PRCC: variants seen among roughly 807,000 people sequenced by gnomAD.
PRCC encodes proline rich mitotic checkpoint control factor, also known as proline-rich protein PRCC.
Under a neutral mutation model 44.0 loss-of-function variants are expected in PRCC, and 10 were observed. The ratio of observed to expected loss-of-function variants is 0.23; its 90% CI spans 0.14 to 0.39. The LOEUF (loss-of-function observed/expected upper bound fraction) is 0.39. Among genes scored for constraint, PRCC ranks in the 10% least tolerant of loss-of-function variants. The pLI, the probability that PRCC is intolerant of heterozygous loss-of-function variation, is 1.00. For missense variants in PRCC, 573 were observed against 624.7 expected (o/e 0.92, Z 0.88); for synonymous variants, 278 against 259.5 (o/e 1.07, Z -0.69).
At chr1:156,782,410 T>C in intron 2 of PRCC, 81 bp downstream of exon 2, 1 of 1,341,188 alleles carries the variant, frequency 7.5e-7, no homozygotes, top group Non-Finnish European at 1.0e-6. Context: ...TCCAGCAGTT[T>C]TCAGATTAGG....
chr1:156,794,517 G>T, intron 4 of PRCC, 148 bp from the exon 5 acceptor site: 1 of 919,312 alleles, frequency 1.1e-6, no homozygotes, highest in Non-Finnish European at 1.6e-6. Flanking sequence ...AAGGGAGTTT[G>T]GTAGATGGCA....
At chr1:156,798,790 A>G (rs1652748307) in intron 6 of PRCC, among the ~76,000 whole-genome samples, 1 of 149,426 alleles carries the variant, frequency 6.7e-6, no homozygotes, top group Admixed American at 6.7e-5. Flanking sequence ...TGGAGGTTGC[A>G]GTGAGCTGAG....
At chr1:156,799,127 G>A (rs1652761857) in intron 6 of PRCC, among the ~76,000 whole-genome samples, 1 of 152,082 alleles carries the variant, frequency 6.6e-6, no homozygotes, top group South Asian at 2.1e-4. Flanking sequence ...ACTACAAATG[G>A]CACCATGTAT....
chr1:156,791,033 C>A (rs1240538096), intron 3 of PRCC: 1 of 1,256,572 alleles, frequency 8.0e-7, no homozygotes, highest in Non-Finnish European at 1.1e-6. Context: ...CAAGCAGAGG[C>A]CTTGCCCTTG....
At chr1:156,777,948 A>C (rs1163307614) in intron 1 of PRCC, among the ~76,000 whole-genome samples, 1 of 152,232 alleles carries the variant, frequency 6.6e-6, no homozygotes. Context: ...GACATTTATC[A>C]TTGTATCTAT....
intron 3 of PRCC, 35 bp downstream of exon 3, chr1:156,787,209 G>C: frequency 1.3e-6 from 2 of 1,556,218 alleles, no homozygotes. Context: ...GCGAGGGAAT[G>C]TTGGAACATG....
At chr1:156,776,485 G>A (rs1244626734) in intron 1 of PRCC, among the ~76,000 whole-genome samples, 1 of 151,708 alleles carries the variant, frequency 6.6e-6, no homozygotes, top group Middle Eastern at 3.2e-3. Flanking sequence ...TTTTGTGTGT[G>A]TGCTTTTAAA....
rs35911411 is a variant in PRCC at position 156,795,285 on chromosome 1, G to GTTTTTTTTTTTTTTTTTTTTTTT, written c.1323+479_1323+501dup. ...CTTCCAATTGTTTTCATTTTCTGGTGTTTTTTTTTTTTTTTTTTTTTTTTC... is the reference window on the plus strand; with the variant it reads ...CTTCCAATTGTTTTCATTTTCTGGTGTTTTTTTTTTTTTTTTTTTTTTTTTTTTTTTTTTTTTTTTTTTTTTTC... On this transcript the variant is annotated intron_variant, in intron 5 of 6. Transcript: ENST00000271526. Among the ~76,000 whole-genome samples, 4 of 36,062 alleles carry GTTTTTTTTTTTTTTTTTTTTTTT rather than the reference G, an allele frequency of 1.1e-4. 1 individual carries two copies. The highest frequency in any genetic ancestry group is 5.5e-4 in the Admixed American group (1 of 1,830). 23.7% of individuals were successfully genotyped at this position (36,062 alleles called of 152,430 possible). A position where few individuals can be genotyped will look rare whatever the true frequency, so the allele number is the denominator to read the frequency against.
intron 2 of PRCC, among the ~76,000 whole-genome samples, chr1:156,785,589 A>AG (rs1217905225): frequency 9.2e-5 from 13 of 140,940 alleles, no homozygotes; most frequent in Middle Eastern, 3.8e-3. Flanking sequence ...TTCCTATCTA[A>AG]GGGGGGGAAA....
chr1:156,794,636 C>T, intron 4 of PRCC, 29 bp from the exon 5 acceptor site: 6 of 1,613,068 alleles, frequency 3.7e-6, no homozygotes, highest in Non-Finnish European at 4.2e-6. Flanking sequence ...TGCCCAGATT[C>T]CTGACTCCTG....
intron 3 of PRCC, among the ~76,000 whole-genome samples, chr1:156,789,132 G>A (rs1272851413): frequency 1.3e-5 from 2 of 151,158 alleles, no homozygotes; most frequent in Admixed American, 1.3e-4. Context: ...ACCATGCCTG[G>A]CTAATTTTTG....
At chr1:156,783,946 A>T (rs1161959370) in intron 2 of PRCC, among the ~76,000 whole-genome samples, 1 of 122,804 alleles carries the variant, frequency 8.1e-6, no homozygotes, top group Non-Finnish European at 1.8e-5. Context: ...TTATTTATTT[A>T]ATTTTTTTTT....
At chr1:156,791,912 T>C (rs1652487655) in intron 4 of PRCC, 120 bp downstream of exon 4, 3 of 900,568 alleles carry the variant, frequency 3.3e-6, no homozygotes, top group African/African-American at 3.4e-5. Context: ...CAGGATTAGG[T>C]TGGCAACATG....
intron 4 of PRCC, among the ~76,000 whole-genome samples, chr1:156,794,387 T>C (rs1341419863): frequency 6.6e-6 from 1 of 152,224 alleles, no homozygotes; most frequent in Non-Finnish European, 1.5e-5. Context: ...CAGATACCGT[T>C]TGAATACAAA....
chr1:156,799,846 C>T (rs1279133981), intron 6 of PRCC, among the ~76,000 whole-genome samples: 1 of 152,200 alleles, frequency 6.6e-6, no homozygotes, highest in Non-Finnish European at 1.5e-5. Flanking sequence ...TTCACAGCTT[C>T]AGTCATTACT....
chr1:156,780,116 G>A (rs1652000321), intron 1 of PRCC, among the ~76,000 whole-genome samples: 1 of 152,012 alleles, frequency 6.6e-6, no homozygotes, highest in Non-Finnish European at 1.5e-5. Flanking sequence ...GAGTGCAGTG[G>A]CGTGATCTTG....
rs765463107 is a variant in PRCC at position 156,767,917 on chromosome 1, C to G, written c.146C>G (p.Ala49Gly). The change falls in exon 1 of 7, where the codon GCC becomes GGC. Residue 49 changes from alanine to glycine, a missense_variant. This residue lies in a region of PRCC where 245 missense variants were observed against 188.5 expected (regional missense o/e 1.30). Coordinates refer to ENST00000271526, the MANE Select transcript of PRCC (RefSeq NM_005973.5). ...FASLPAPKGP[A>G]LLPPPPQMLA... ...TCTCTCCCTGCGCCCAAGGGTCCGGCCTTGCTGCCTCCGCCCCCTCAGATG... is the reference window on the plus strand; with the variant it reads ...TCTCTCCCTGCGCCCAAGGGTCCGGGCTTGCTGCCTCCGCCCCCTCAGATG... 1.9e-6 allele frequency: 3 copies of G among 1,598,742 alleles called. No homozygotes were observed. In the Admixed American group the frequency reaches 5.2e-5, roughly 28 times the overall value.
At chr1:156,775,109 G>A (rs1467949075) in intron 1 of PRCC, among the ~76,000 whole-genome samples, 7 of 151,952 alleles carry the variant, frequency 4.6e-5, no homozygotes, top group Non-Finnish European at 7.4e-5. Flanking sequence ...TTAGCCAAGC[G>A]TGGTGGCGGG....
intron 1 of PRCC, among the ~76,000 whole-genome samples, chr1:156,768,686 A>G (rs1203095552): frequency 1.3e-5 from 2 of 152,220 alleles, no homozygotes; most frequent in African/African-American, 4.8e-5. Flanking sequence ...TCAGGCCTGG[A>G]GGAAAATGAT....
Sources: allele counts gnomAD v4.1 joint callset (sites outside exome capture counted in the v4.1 genomes callset), GRCh38; gene constraint gnomAD v4.1.1; regional missense constraint gnomAD v4.1.1; transcripts MANE v1.5; gene names NCBI Gene and HGNC (gene_info 2026-07-23, HGNC 2026-07-21).